MEF2C: variants seen among roughly 807,000 people sequenced by gnomAD.
MEF2C encodes myocyte enhancer factor 2C.
In MEF2C, 6 loss-of-function variants were observed where a neutral mutation model predicts 50.5. The ratio of observed to expected loss-of-function variants is 0.12; its 90% CI spans 0.07 to 0.23. The LOEUF is 0.23. Among genes scored for constraint, MEF2C ranks in the 10% least tolerant of loss-of-function variants. The pLI is 1.00. For missense variants in MEF2C, 276 were observed against 605.0 expected, an observed-to-expected ratio of 0.46 and a Z score of 5.70; for synonymous variants, 183 against 228.0, an observed-to-expected ratio of 0.80 and a Z score of 1.78.
chr5:88,771,644 A>C, intron 3 of MEF2C: 2 of 978,280 alleles, frequency 2.0e-6, no homozygotes, highest in Non-Finnish European at 2.4e-6. Flanking sequence ...ATTCTCAGTT[A>C]TGGTTCACTG....
intron 4 of MEF2C, among the ~76,000 whole-genome samples, chr5:88,758,407 C>T (rs1316303748): frequency 2.0e-5 from 3 of 151,936 alleles, no homozygotes; most frequent in South Asian, 4.2e-4. Flanking sequence ...AAATGCTGCT[C>T]GACACAGTTC....
chr5:88,810,643 C>G (rs1386689101), intron 2 of MEF2C, among the ~76,000 whole-genome samples: 1 of 152,030 alleles, frequency 6.6e-6, no homozygotes, highest in African/African-American at 2.4e-5. Flanking sequence ...AGTAATTTAG[C>G]TGATTTAAAT....
rs146792929 is a variant in MEF2C at position 88,831,355 on chromosome 5, G to T, written c.-142-7425C>A. 6.2e-3 allele frequency among the ~76,000 whole-genome samples: 949 copies of T among 151,884 alleles called. 17 individuals carry two copies. Among genetic ancestry groups the T allele is most frequent in the Non-Finnish European group, 6.2e-3 (424 of 67,914 alleles). On this transcript the variant is annotated intron_variant, in intron 1 of 10. Transcript: ENST00000504921. ...AAATAATCACAATATTATTAAGATC[G>T]TGGTGTGAATGCCTAAAAGGACGTT... is the stretch of plus-strand genomic sequence containing the variant.
chr5:88,746,476 A>G, intron 6 of MEF2C: 1 of 969,404 alleles, frequency 1.0e-6, no homozygotes, highest in Non-Finnish European at 1.2e-6. Flanking sequence ...AGATGACTTG[A>G]TTTAGAAAAA....
chr5:88,897,156 A>G (rs563742701), intron 1 of MEF2C, among the ~76,000 whole-genome samples: 3 of 152,318 alleles, frequency 2.0e-5, no homozygotes, highest in South Asian at 4.1e-4. Context: ...AATAACTTCT[A>G]TGATTATTTT....
chr5:88,757,949 G>T (rs1429739458), intron 4 of MEF2C, among the ~76,000 whole-genome samples: 1 of 150,196 alleles, frequency 6.7e-6, no homozygotes, highest in African/African-American at 2.5e-5. Flanking sequence ...ATAAAATAGA[G>T]GTCATTATAT....
intron 3 of MEF2C, among the ~76,000 whole-genome samples, chr5:88,801,511 G>A (rs11955204): frequency 0.035 from 3,837 of 109,404 alleles, 160 homozygotes; most frequent in African/African-American, 0.12. Flanking sequence ...TTTTTTTTTT[G>A]AGACGGAGTC....
At chr5:88,787,741 A>C (rs189944439) in intron 3 of MEF2C, among the ~76,000 whole-genome samples, 22 of 152,358 alleles carry the variant, frequency 1.4e-4, no homozygotes, top group Admixed American at 1.1e-3. Context: ...GATGAAGATA[A>C]AATTCCGCAC....
At chr5:88,839,321 A>ATCTCTCTCTC (rs71613097) in intron 1 of MEF2C, 17 of 141,910 alleles carry the variant, frequency 1.2e-4, no homozygotes, top group South Asian at 4.7e-4. Flanking sequence ...ACGCCACATT[A>ATCTCTCTCTC]TCTCTCTCTC....
intron 2 of MEF2C, chr5:88,817,774 T>G (rs1315466772): frequency 1.3e-5 from 2 of 152,016 alleles, no homozygotes; most frequent in Non-Finnish European, 2.9e-5. Context: ...TGTCTTTTTA[T>G]AACAAGTTGC....
At chr5:88,756,199 T>C (rs1775210195) in intron 4 of MEF2C, among the ~76,000 whole-genome samples, 1 of 152,226 alleles carries the variant, frequency 6.6e-6, no homozygotes, top group South Asian at 2.1e-4. Flanking sequence ...TGCATGTTTG[T>C]TACATGGATA....
chr5:88,848,777 T>C (rs1820218533), intron 1 of MEF2C, among the ~76,000 whole-genome samples: 1 of 152,214 alleles, frequency 6.6e-6, no homozygotes, highest in African/African-American at 2.4e-5. Context: ...TTTAGAGTTC[T>C]TAACGGGTGA....
intron 6 of MEF2C, chr5:88,734,178 G>A (rs1762875690): frequency 1.0e-6 from 1 of 984,938 alleles, no homozygotes; most frequent in African/African-American, 1.7e-5. Flanking sequence ...GATTCTACGG[G>A]ATAAAAAGAG....
chr5:88,882,624 A>T (rs1833271796), intron 1 of MEF2C, among the ~76,000 whole-genome samples: 1 of 152,132 alleles, frequency 6.6e-6, no homozygotes, highest in African/African-American at 2.4e-5. Context: ...AAATATTAAA[A>T]TCCACCAGGC....
chr5:88,738,346 C>CATACAAG lies in MEF2C; in HGVS notation c.638-6446_638-6445insCTTGTAT, dbSNP rs1764998845. The CATACAAG allele has an allele frequency of 3.0e-6, 3 of 985,224 alleles. No homozygotes were observed. The African/African-American group carries it at 5.2e-5, about 17-fold the overall frequency. The allele number at this position is 985,224 out of a possible 1,614,324, so 61.0% of individuals were successfully genotyped here. ...ACACAACATTAAGCATACACATTAA[C>CATACAAG]TGCTCAGAAGAGTACCAGGCACTTG... On this transcript the variant is annotated intron_variant, in intron 6 of 10. Coordinates refer to ENST00000504921, the MANE Select transcript of MEF2C (RefSeq NM_002397.5).
chr5:88,817,005 A>C (rs1018585749), intron 2 of MEF2C, among the ~76,000 whole-genome samples: 3 of 151,962 alleles, frequency 2.0e-5, no homozygotes, highest in Non-Finnish European at 4.4e-5. Context: ...AAAACTCACA[A>C]GTCTGGAAAT....
chr5:88,753,619 G>A lies in MEF2C; in HGVS notation c.403-1576C>T, dbSNP rs146695100. ...TTGCCCAGGCTGGTCTTGAACTCCT[G>A]AGCGCAGGTGATCCGCCCACCTCGG... is the stretch of plus-strand genomic sequence containing the variant. On this transcript the variant is annotated intron_variant, in intron 4 of 10. Transcript: ENST00000504921. Among the ~76,000 whole-genome samples the A allele has an allele frequency of 9.9e-5, 15 of 152,170 alleles. No homozygotes were observed. The East Asian group carries it at 2.7e-3, about 27-fold the overall frequency.
intron 1 of MEF2C, among the ~76,000 whole-genome samples, chr5:88,868,582 G>GTTGT (rs1318915425): frequency 6.6e-6 from 1 of 152,092 alleles, no homozygotes. Context: ...AGTTAGTGAG[G>GTTGT]CTGTCTACTT....
At chr5:88,837,002 C>CAAAAA (rs10692741) in intron 1 of MEF2C, among the ~76,000 whole-genome samples, 9 of 86,910 alleles carry the variant, frequency 1.0e-4, no homozygotes, top group African/African-American at 1.4e-4. Context: ...AGCTGTTTCT[C>CAAAAA]AAAAAAAAAA....
Sources: gnomAD v4.1 joint callset for allele counts (sites outside exome capture counted in the v4.1 genomes callset) on GRCh38, gnomAD v4.1.1 for gene constraint, MANE v1.5 for transcripts, NCBI Gene and HGNC (gene_info 2026-07-23, HGNC 2026-07-21) for gene names.